Variants in DISC1 observed in about 807,000 individuals in gnomAD.
DISC1 encodes the protein DISC1 scaffold protein.
A neutral mutation model predicts 84.5 loss-of-function variants in DISC1; 57 were observed. The observed-to-expected ratio is 0.67, with a 90% CI of 0.55 to 0.84. DISC1 has a LOEUF of 0.84. Ranked by LOEUF, DISC1 falls within the 40% of genes least tolerant of loss-of-function variation. DISC1 has a pLI of 0.00. For synonymous variants in DISC1, 411 were observed against 415.2 expected (o/e 0.99, Z 0.12); for missense variants, 1,000 against 1,057.8 (o/e 0.95, Z 0.76).
At chr1:231,631,550 C>T (rs2058710740) in intron 1 of DISC1, among the ~76,000 whole-genome samples, 1 of 152,026 alleles carries the variant, frequency 6.6e-6, no homozygotes, top group Non-Finnish European at 1.5e-5. Context: ...AGTGATGATC[C>T]TGACCCTGGG....
intron 1 of DISC1, among the ~76,000 whole-genome samples, chr1:231,635,284 C>T (rs1441281198): frequency 1.3e-5 from 2 of 152,122 alleles, no homozygotes; most frequent in Non-Finnish European, 2.9e-5. Flanking sequence ...TTTCCATACA[C>T]TGGCCCTTAA....
At chr1:231,887,335 C>A (rs2086847217) in intron 9 of DISC1, among the ~76,000 whole-genome samples, 2 of 152,296 alleles carry the variant, frequency 1.3e-5, no homozygotes, top group South Asian at 4.1e-4. Context: ...ATCCTAGTGC[C>A]TTGACTTCTT....
In DISC1 at chr1:231,997,973, A is replaced by T. The variant is rs199906715; in HGVS notation, c.2043-10812A>T. 1.2e-3 allele frequency among the ~76,000 whole-genome samples: 176 copies of T among 150,712 alleles called. 1 individual carries two copies. The highest frequency in any genetic ancestry group is 8.4e-4 in the Non-Finnish European group (57 of 68,034). On this transcript the variant is annotated intron_variant, in intron 10 of 12. Transcript: ENST00000439617. ...GGCTAAAACCTGATGAAGCATGGTT[A>T]TTGAAGTAGACATACAAGGTGTTCA...
At chr1:231,802,580 A>G (rs1239358624) in intron 8 of DISC1, among the ~76,000 whole-genome samples, 2 of 152,142 alleles carry the variant, frequency 1.3e-5, no homozygotes, top group Non-Finnish European at 2.9e-5. Context: ...TTTGAGAACT[A>G]TTTGCCATTT....
At chr1:231,793,225 C>G (rs1206423774) in intron 6 of DISC1, among the ~76,000 whole-genome samples, 1 of 152,176 alleles carries the variant, frequency 6.6e-6, no homozygotes, top group African/African-American at 2.4e-5. Context: ...TTTCCTGACA[C>G]CCTGCACACT....
chr1:231,862,038 G>A (rs112922950), intron 9 of DISC1, among the ~76,000 whole-genome samples: 4 of 152,306 alleles, frequency 2.6e-5, no homozygotes, highest in African/African-American at 9.6e-5. Flanking sequence ...TTAACAAGTG[G>A]CTCACAAAAT....
chr1:231,816,958 C>T (rs933583132), intron 8 of DISC1, among the ~76,000 whole-genome samples: 3 of 151,884 alleles, frequency 2.0e-5, no homozygotes, highest in African/African-American at 7.3e-5. Flanking sequence ...CCTCCTCCTC[C>T]TTCTTCTTCT....
At chr1:231,987,979 A>G (rs886967979) in intron 10 of DISC1, among the ~76,000 whole-genome samples, 1 of 152,136 alleles carries the variant, frequency 6.6e-6, no homozygotes, top group Non-Finnish European at 1.5e-5. Flanking sequence ...TGAGGTCAGG[A>G]GTTCAAGAGC....
chr1:231,911,193 T>C (rs537364296), intron 9 of DISC1, among the ~76,000 whole-genome samples: 24 of 152,218 alleles, frequency 1.6e-4, no homozygotes, highest in Non-Finnish European at 3.1e-4. Context: ...TTAATATTGT[T>C]ATATGTCAAT....
At chr1:231,778,868 AC>A (rs2077160242) in intron 6 of DISC1, among the ~76,000 whole-genome samples, 1 of 152,102 alleles carries the variant, frequency 6.6e-6, no homozygotes, top group South Asian at 2.1e-4. Context: ...GGCCAAGGAG[AC>A]CCCAGAGACT....
At chr1:231,719,142 C>G (rs927570705) in intron 3 of DISC1, among the ~76,000 whole-genome samples, 2 of 152,112 alleles carry the variant, frequency 1.3e-5, no homozygotes, top group Admixed American at 1.3e-4. Context: ...ACAAAAAAGA[C>G]TTGGTTTCAG....
At chr1:231,953,501 G>C (rs567989244) in intron 9 of DISC1, among the ~76,000 whole-genome samples, 3 of 152,062 alleles carry the variant, frequency 2.0e-5, no homozygotes, top group Non-Finnish European at 4.4e-5. Flanking sequence ...TTAATTATCC[G>C]AACAAAGGTT....
intron 1 of DISC1, among the ~76,000 whole-genome samples, chr1:231,647,508 G>C (rs2060234065): frequency 6.6e-6 from 1 of 152,188 alleles, no homozygotes; most frequent in African/African-American, 2.4e-5. Flanking sequence ...CTCCAGCTTT[G>C]TTCTTCTTGC....
chr1:231,723,292 G>A (rs2070132268), intron 3 of DISC1: 1 of 986,290 alleles, frequency 1.0e-6, no homozygotes, highest in African/African-American at 1.7e-5. Flanking sequence ...TAAAACCCGT[G>A]TTGTTCAAGG....
At chr1:231,818,239 G>A (rs1346484541) in intron 8 of DISC1, 90 bp from the exon 9 acceptor site, 1 of 1,315,696 alleles carries the variant, frequency 7.6e-7, no homozygotes, top group Non-Finnish European at 1.1e-6. Context: ...TGCCCATGCT[G>A]TGAATGTACA....
chr1:231,693,513 A>G (rs2065288120), intron 1 of DISC1, among the ~76,000 whole-genome samples: 1 of 152,178 alleles, frequency 6.6e-6, no homozygotes, highest in South Asian at 2.1e-4. Flanking sequence ...AACAGGCAAG[A>G]TGTTGGAGGG....
At chr1:231,778,500 A>G (rs2077133076) in intron 6 of DISC1, among the ~76,000 whole-genome samples, 1 of 152,148 alleles carries the variant, frequency 6.6e-6, no homozygotes, top group Admixed American at 6.5e-5. Context: ...TCCAGCTGGC[A>G]CTTTCCTTAG....
chr1:231,929,274 G>A (rs1330930750), intron 9 of DISC1, among the ~76,000 whole-genome samples: 1 of 152,120 alleles, frequency 6.6e-6, no homozygotes, highest in African/African-American at 2.4e-5. Context: ...AGGATAGTTA[G>A]CTCTTCATGG....
In DISC1 at chr1:231,859,931, G is replaced by T. The variant is rs2084530668; in HGVS notation, c.1981+41414G>T. Among the ~76,000 whole-genome samples the T allele has an allele frequency of 2.0e-5, 3 of 152,180 alleles. No homozygotes were observed. In the South Asian group the frequency reaches 6.2e-4, roughly 31 times the overall value. Reference sequence around the variant, plus strand: ...CCATGTATTGTTCCAGCAGTACAAAGTTTGTCAATCAGAGAGAATGTGGGT... The same window carrying T: ...CCATGTATTGTTCCAGCAGTACAAATTTTGTCAATCAGAGAGAATGTGGGT... On this transcript the variant is annotated intron_variant, in intron 9 of 12. Coordinates refer to ENST00000439617, the MANE Select transcript of DISC1 (RefSeq NM_018662.3).
Sources: allele counts gnomAD v4.1 joint callset (sites outside exome capture counted in the v4.1 genomes callset), GRCh38; gene constraint gnomAD v4.1.1; transcripts MANE v1.5; gene names NCBI Gene and HGNC (gene_info 2026-07-23, HGNC 2026-07-21).